The following WWOX variants were observed in gnomAD, a reference collection of about 807,000 sequenced individuals.
WWOX encodes the protein WW domain-containing oxidoreductase.
A neutral mutation model predicts 46.2 loss-of-function variants in WWOX; 69 were observed. That is an observed-to-expected ratio of 1.49 (90% CI 1.23 to 1.82). The LOEUF is 1.82. WWOX is among the 40% of genes most tolerant of loss of function. WWOX has a pLI of 0.00. For synonymous variants in WWOX, 359 were observed against 202.6 expected (o/e 1.77, Z -6.56); for missense variants, 919 against 542.6 (o/e 1.69, Z -6.89).
chr16:78,833,384 A>T (rs146335503), intron 8 of WWOX, among the ~76,000 whole-genome samples: 38 of 151,726 alleles, frequency 2.5e-4, no homozygotes, highest in Non-Finnish European at 5.3e-4. Flanking sequence ...TTGTTTCTCT[A>T]ATGTGGCTGT....
At chr16:79,194,688 T>C (rs1422356842) in intron 8 of WWOX, among the ~76,000 whole-genome samples, 1 of 152,188 alleles carries the variant, frequency 6.6e-6, no homozygotes, top group Non-Finnish European at 1.5e-5. Context: ...CAGCCCCCGC[T>C]CTGCTGAGTC....
At chr16:78,463,611 G>T (rs1469926363) in intron 8 of WWOX, among the ~76,000 whole-genome samples, 3 of 152,184 alleles carry the variant, frequency 2.0e-5, no homozygotes, top group Non-Finnish European at 2.9e-5. Context: ...ATACACTGAA[G>T]CATCTTACGA....
At chr16:78,697,852 A>T (rs935998374) in intron 8 of WWOX, among the ~76,000 whole-genome samples, 1 of 152,104 alleles carries the variant, frequency 6.6e-6, no homozygotes, top group Non-Finnish European at 1.5e-5. Flanking sequence ...ACAATACCCC[A>T]TGAAGGAGGT....
chr16:78,520,951 G>C (rs1228439833), intron 8 of WWOX, among the ~76,000 whole-genome samples: 1 of 152,152 alleles, frequency 6.6e-6, no homozygotes, highest in Non-Finnish European at 1.5e-5. Flanking sequence ...GCGTGCTGGG[G>C]TCAGGGGTGC....
chr16:78,327,815 G>T (rs1447551451), intron 5 of WWOX, among the ~76,000 whole-genome samples: 1 of 150,210 alleles, frequency 6.7e-6, no homozygotes, highest in Non-Finnish European at 1.5e-5. Flanking sequence ...AGAGCACCCA[G>T]AGCTGGCTTT....
chr16:79,127,693 C>T (rs2049788100), intron 8 of WWOX, among the ~76,000 whole-genome samples: 2 of 152,094 alleles, frequency 1.3e-5, no homozygotes, highest in African/African-American at 4.8e-5. Context: ...TGCCAAATTG[C>T]CCTCTACGGA....
At chr16:78,777,069 A>G (rs1488370429) in intron 8 of WWOX, among the ~76,000 whole-genome samples, 2 of 152,240 alleles carry the variant, frequency 1.3e-5, no homozygotes, top group East Asian at 3.8e-4. Context: ...GATGAAAATG[A>G]GGAAAATTGG....
rs1491587303 is a variant in WWOX at position 78,261,788 on chromosome 16, C to CTAGAGATATATATATATATA, written c.516+97501_516+97502insGAGATATATATATATATATA. On this transcript the variant is annotated intron_variant, in intron 5 of 8. Coordinates refer to ENST00000566780, the MANE Select transcript of WWOX (RefSeq NM_016373.4). ...TCTATCTATGTATCTATCTATCTAT[C>CTAGAGATATATATATATATA]TATATATATATATATATATATATAT... Among the ~76,000 whole-genome samples the CTAGAGATATATATATATATA allele has an allele frequency of 1.7e-3, 124 of 73,724 alleles. 2 individuals carry two copies. Among genetic ancestry groups the CTAGAGATATATATATATATA allele is most frequent in the African/African-American group, 6.4e-3 (112 of 17,428 alleles). 48.4% of individuals were successfully genotyped at this position (73,724 alleles called of 152,430 possible).
At chr16:78,727,286 C>A (rs776916468) in intron 8 of WWOX, among the ~76,000 whole-genome samples, 1 of 152,182 alleles carries the variant, frequency 6.6e-6, no homozygotes, top group Non-Finnish European at 1.5e-5. Flanking sequence ...GTAATCCCAG[C>A]TGCTAGGGAG....
At chr16:78,697,352 C>G (rs1027603480) in intron 8 of WWOX, among the ~76,000 whole-genome samples, 1 of 152,110 alleles carries the variant, frequency 6.6e-6, no homozygotes. Context: ...TTGGTAATGG[C>G]CATTCTTGCA....
intron 8 of WWOX, among the ~76,000 whole-genome samples, chr16:78,587,802 C>CT (rs1278256428): frequency 1.3e-5 from 2 of 152,144 alleles, no homozygotes; most frequent in Non-Finnish European, 2.9e-5. Flanking sequence ...TAGGCCAGGA[C>CT]TTTTTCCTGG....
At chr16:78,536,901 C>CTTTTTTTTTT (rs35326105) in intron 8 of WWOX, among the ~76,000 whole-genome samples, 1 of 120,058 alleles carries the variant, frequency 8.3e-6, no homozygotes, top group Non-Finnish European at 1.7e-5. Context: ...AGAGCCAAGT[C>CTTTTTTTTTT]TTTTTTTTTT....
chr16:78,459,357 T>C (rs1465173339), intron 8 of WWOX, among the ~76,000 whole-genome samples: 2 of 152,234 alleles, frequency 1.3e-5, no homozygotes, highest in South Asian at 2.1e-4. Context: ...AATGCCCTTT[T>C]CTTGCATAAG....
At chr16:78,566,093 TG>T (rs532399655) in intron 8 of WWOX, among the ~76,000 whole-genome samples, 170 of 152,250 alleles carry the variant, frequency 1.1e-3, no homozygotes, top group Middle Eastern at 3.4e-3. Flanking sequence ...GCTCTCTTTC[TG>T]GTTCCCAGAT....
chr16:79,179,971 A>T (rs1024802521), intron 8 of WWOX, among the ~76,000 whole-genome samples: 1 of 152,212 alleles, frequency 6.6e-6, no homozygotes, highest in Non-Finnish European at 1.5e-5. Flanking sequence ...ACTTAAGTCC[A>T]TGTTACTGGA....
In WWOX at chr16:78,931,308, G is replaced by A. The variant is rs143891470; in HGVS notation, c.1057-280300G>A. Among the ~76,000 whole-genome samples the A allele has an allele frequency of 7.8e-4, 119 of 152,292 alleles. 1 individual carries two copies. The highest frequency in any genetic ancestry group is 2.6e-3 in the African/African-American group (110 of 41,570). ...GTAAGAGAAACTCCCAATCTGAACG[G>A]TAGTCAAAGAAGGTCTTCTTCTCTT... is the stretch of plus-strand genomic sequence containing the variant. On this transcript the variant is annotated intron_variant, in intron 8 of 8. Coordinates refer to ENST00000566780, the MANE Select transcript of WWOX (RefSeq NM_016373.4).
chr16:78,779,388 C>T (rs564257699), intron 8 of WWOX, among the ~76,000 whole-genome samples: 1 of 152,090 alleles, frequency 6.6e-6, no homozygotes, highest in Non-Finnish European at 1.5e-5. Context: ...CTCAAGAAAT[C>T]CTTCCACCTC....
At chr16:78,811,596 C>G (rs1285031527) in intron 8 of WWOX, among the ~76,000 whole-genome samples, 1 of 151,986 alleles carries the variant, frequency 6.6e-6, no homozygotes, top group Non-Finnish European at 1.5e-5. Flanking sequence ...GTCTCAAGCT[C>G]CTGACCTCAG....
chr16:78,596,788 A>G (rs1461689687), intron 8 of WWOX, among the ~76,000 whole-genome samples: 1 of 139,394 alleles, frequency 7.2e-6, no homozygotes, highest in East Asian at 2.1e-4. Context: ...AAATAAAATG[A>G]TATAAATCAG....
Sources: allele counts gnomAD v4.1 joint callset (sites outside exome capture counted in the v4.1 genomes callset), GRCh38; gene constraint gnomAD v4.1.1; transcripts MANE v1.5; gene names NCBI Gene and HGNC (gene_info 2026-07-23, HGNC 2026-07-21).